Variants in SNX29 observed in about 807,000 individuals in gnomAD.
SNX29 encodes the protein sorting nexin-29.
Under a neutral mutation model 102.1 loss-of-function variants are expected in SNX29, and 78 were observed. The observed-to-expected ratio is 0.76, with a 90% CI of 0.64 to 0.92. The LOEUF (loss-of-function observed/expected upper bound fraction) is 0.92. SNX29 is among the 40% of genes least tolerant of loss of function. SNX29 has a pLI of 0.00. For missense variants in SNX29, 1,280 were observed against 1,061.7 expected (o/e 1.21, Z -2.86); for synonymous variants, 580 against 414.5 (o/e 1.40, Z -4.85).
At chr16:12,128,452 CTT>C (rs35504724) in intron 12 of SNX29, among the ~76,000 whole-genome samples, 5 of 128,278 alleles carry the variant, frequency 3.9e-5, no homozygotes, top group Non-Finnish European at 4.8e-5. Context: ...TGATTATATT[CTT>C]TTTTTTTTTT....
chr16:12,549,775 A>G (rs2561030), intron 20 of SNX29, among the ~76,000 whole-genome samples: 2 of 152,204 alleles, frequency 1.3e-5, no homozygotes, highest in Non-Finnish European at 2.9e-5. Flanking sequence ...TTAGCAGGTG[A>G]TTTCTACTTG....
intron 14 of SNX29, among the ~76,000 whole-genome samples, chr16:12,207,550 G>T (rs938724352): frequency 6.6e-6 from 1 of 151,942 alleles, no homozygotes. Context: ...GCAGTGTCTC[G>T]CTCTCACTGC....
Position 12,568,815 on chromosome 16 carries a change from G to A in SNX29, c.*186G>A. On this transcript the variant is annotated 3_prime_UTR_variant, in exon 21 of 21. Transcript: ENST00000566228. ...CAGTCTTCGAGCCGCATGATACCGTGACCCGAGAGACCAAGGCAGCACCTC... is the reference window on the plus strand; with the variant it reads ...CAGTCTTCGAGCCGCATGATACCGTAACCCGAGAGACCAAGGCAGCACCTC... The A allele has an allele frequency of 1.1e-6, 1 of 905,054 alleles. No individual in the cohort carries two copies. The highest frequency in any genetic ancestry group is 2.7e-5 in the East Asian group (1 of 36,776). The allele number at this position is 905,054 out of a possible 1,614,324, so 56.1% of individuals were successfully genotyped here. A position where few individuals can be genotyped will look rare whatever the true frequency, so the allele number is the denominator to read the frequency against.
chr16:12,479,267 G>A (rs1007969609), intron 19 of SNX29, among the ~76,000 whole-genome samples: 1 of 152,192 alleles, frequency 6.6e-6, no homozygotes, highest in South Asian at 2.1e-4. Context: ...CATATGGGGC[G>A]AATCCCTAGT....
intron 20 of SNX29, among the ~76,000 whole-genome samples, chr16:12,550,523 T>C (rs900909478): frequency 7.8e-6 from 1 of 128,502 alleles, no homozygotes; most frequent in Non-Finnish European, 1.6e-5. Flanking sequence ...AGACACAGTC[T>C]CAATCTACAA....
chr16:12,401,844 T>C (rs1285667655), intron 17 of SNX29, among the ~76,000 whole-genome samples: 2 of 152,136 alleles, frequency 1.3e-5, no homozygotes, highest in Non-Finnish European at 2.9e-5. Context: ...TGAACTAACA[T>C]CTAGGAGGGA....
chr16:12,498,461 G>A (rs1479909222), intron 19 of SNX29, among the ~76,000 whole-genome samples: 2 of 152,140 alleles, frequency 1.3e-5, no homozygotes, highest in East Asian at 3.9e-4. Context: ...GGAGACGCTG[G>A]GCTAGTAAAT....
At chr16:12,216,631 G>A (rs2077331284) in intron 14 of SNX29, among the ~76,000 whole-genome samples, 1 of 152,192 alleles carries the variant, frequency 6.6e-6, no homozygotes, top group African/African-American at 2.4e-5. Context: ...GACTTAGATT[G>A]TGGGTGTTGG....
chr16:12,491,987 C>T (rs1194651099), intron 19 of SNX29, among the ~76,000 whole-genome samples: 1 of 152,182 alleles, frequency 6.6e-6, no homozygotes, highest in Admixed American at 6.5e-5. Context: ...CCGCAATAAA[C>T]ATACGTGTGC....
intron 20 of SNX29, among the ~76,000 whole-genome samples, chr16:12,566,353 C>T (rs903345219): frequency 6.6e-6 from 1 of 152,206 alleles, no homozygotes; most frequent in African/African-American, 2.4e-5. Flanking sequence ...CCACCGACTG[C>T]TACCTCTCCT....
Position 12,512,717 on chromosome 16 carries a change from C to G in SNX29, c.2179-11985C>G, listed in dbSNP as rs372223153. 6.6e-5 allele frequency among the ~76,000 whole-genome samples: 10 copies of G among 152,170 alleles called. No individual in the cohort carries two copies. The East Asian group carries it at 1.2e-3, about 18-fold the overall frequency. On this transcript the variant is annotated intron_variant, in intron 19 of 20. Transcript: ENST00000566228. ...GTGCATGAACCATAGACCGTCCGTG[C>G]TTTCAGGGACAACTAGGTGCTGTTC...
intron 15 of SNX29, among the ~76,000 whole-genome samples, chr16:12,339,432 G>C (rs13336249): frequency 0.16 from 23,368 of 146,084 alleles, 3,998 homozygotes; most frequent in African/African-American, 0.44. Context: ...TGGAGGTGTT[G>C]AAGCAGAAAC....
At chr16:12,222,553 C>A (rs2077505242) in intron 14 of SNX29, among the ~76,000 whole-genome samples, 1 of 152,110 alleles carries the variant, frequency 6.6e-6, no homozygotes, top group African/African-American at 2.4e-5. Flanking sequence ...CTGGGTGAAG[C>A]TTCACAGTTT....
intron 20 of SNX29, chr16:12,557,822 G>T (rs931667693): frequency 6.6e-6 from 1 of 152,206 alleles, no homozygotes; most frequent in South Asian, 2.1e-4. Context: ...GCAGTCTGTT[G>T]TTCACCAAAA....
At chr16:12,441,565 C>T (rs549884827) in intron 18 of SNX29, among the ~76,000 whole-genome samples, 6 of 152,268 alleles carry the variant, frequency 3.9e-5, no homozygotes, top group South Asian at 4.1e-4. Flanking sequence ...TCAGTTCTCC[C>T]GTTTTGTGGT....
At chr16:12,283,722 T>C (rs2079506448) in intron 15 of SNX29, among the ~76,000 whole-genome samples, 2 of 152,170 alleles carry the variant, frequency 1.3e-5, no homozygotes, top group South Asian at 4.1e-4. Flanking sequence ...GCAGTGCCTG[T>C]GTTTAGGGAG....
rs1220250391 is a variant in SNX29 at position 12,570,144 on chromosome 16, C to CA, written c.*1516dup. 9.4e-7 allele frequency: 1 copy of CA among 1,061,398 alleles called. No individual in the cohort carries two copies. The highest frequency in any genetic ancestry group is 5.0e-5 in the East Asian group (1 of 19,976). 65.7% of individuals were successfully genotyped at this position (1,061,398 alleles called of 1,614,324 possible). A position where few individuals can be genotyped will look rare whatever the true frequency, so the allele number is the denominator to read the frequency against. On this transcript the variant is annotated 3_prime_UTR_variant, in exon 21 of 21. Transcript: ENST00000566228. ...CATGGCCTTTAAGGAAGGCTGAGAT[C>CA]ACTCACACACAGCGCCCCCCCACCC...
At chr16:12,340,910 G>A (rs2081592169) in intron 15 of SNX29, among the ~76,000 whole-genome samples, 1 of 152,122 alleles carries the variant, frequency 6.6e-6, no homozygotes, top group African/African-American at 2.4e-5. Context: ...CCTATCCTTT[G>A]TCTGTCACCA....
At chr16:12,459,624 G>A (rs988524045) in intron 18 of SNX29, among the ~76,000 whole-genome samples, 1 of 152,196 alleles carries the variant, frequency 6.6e-6, no homozygotes, top group Non-Finnish European at 1.5e-5. Context: ...GGTGGAGGGA[G>A]TGTCATATCT....
Sources: gnomAD v4.1 joint callset for allele counts (sites outside exome capture counted in the v4.1 genomes callset) on GRCh38, gnomAD v4.1.1 for gene constraint, MANE v1.5 for transcripts, NCBI Gene and HGNC (gene_info 2026-07-23, HGNC 2026-07-21) for gene names.